The following MAPK10 variants were observed in gnomAD, a reference collection of about 807,000 sequenced individuals.
MAPK10 encodes JNK3 alpha protein kinase.
A neutral mutation model predicts 59.3 loss-of-function variants in MAPK10; 25 were observed. That is an observed-to-expected ratio of 0.42 (90% confidence interval 0.31 to 0.59). MAPK10 has a LOEUF of 0.59. MAPK10 is among the 20% of genes least tolerant of loss of function. The pLI is 0.15. For missense variants in MAPK10, 351 were observed against 568.9 expected (o/e 0.62, Z 3.90); for synonymous variants, 190 against 200.5 (o/e 0.95, Z 0.44).
At chr4:86,548,017 T>C (rs1759382934) in intron 1 of MAPK10, among the ~76,000 whole-genome samples, 1 of 152,148 alleles carries the variant, frequency 6.6e-6, no homozygotes, top group Non-Finnish European at 1.5e-5. Flanking sequence ...GGCTGCCTGA[T>C]CCAGCAGTGG....
At chr4:86,113,972 G>A (rs1370184262) in intron 4 of MAPK10, among the ~76,000 whole-genome samples, 2 of 151,990 alleles carry the variant, frequency 1.3e-5, no homozygotes, top group Non-Finnish European at 2.9e-5. Context: ...TAGTCTTCAG[G>A]CTCTGAGATC....
At chr4:86,236,363 C>T (rs2092228974) in intron 2 of MAPK10, among the ~76,000 whole-genome samples, 1 of 152,052 alleles carries the variant, frequency 6.6e-6, no homozygotes. Flanking sequence ...TACCACATGT[C>T]CTGAAAGATG....
At chr4:86,552,777 A>T (rs568756219) in intron 1 of MAPK10, among the ~76,000 whole-genome samples, 7 of 152,216 alleles carry the variant, frequency 4.6e-5, no homozygotes, top group Admixed American at 3.9e-4. Flanking sequence ...TAATTAAGAT[A>T]ATGTTTCCCT....
intron 1 of MAPK10, among the ~76,000 whole-genome samples, chr4:86,426,091 C>T (rs1253912703): frequency 2.6e-5 from 4 of 152,132 alleles, no homozygotes; most frequent in East Asian, 3.8e-4. Context: ...TTTGGCCTCT[C>T]GCTGTTTCAT....
intron 2 of MAPK10, among the ~76,000 whole-genome samples, chr4:86,307,519 TAGAG>T: frequency 6.6e-6 from 1 of 152,126 alleles, no homozygotes; most frequent in African/African-American, 2.4e-5. Flanking sequence ...TGTTGTAAGT[TAGAG>T]AAAGGAGAAA....
chr4:86,172,785 TA>T (rs140301897), intron 3 of MAPK10, among the ~76,000 whole-genome samples: 12,697 of 144,140 alleles, frequency 0.088, 1,166 homozygotes, highest in African/African-American at 0.24. Flanking sequence ...AGTAAAAAAT[TA>T]AAAAAAAAAG....
At chr4:86,441,681 T>C (rs4488910) in intron 1 of MAPK10, among the ~76,000 whole-genome samples, 22,958 of 152,156 alleles carry the variant, frequency 0.15, 1,840 homozygotes, top group East Asian at 0.24. Context: ...TGACATGCCA[T>C]GAAGACTCTA....
intron 11 of MAPK10, among the ~76,000 whole-genome samples, chr4:86,037,778 ACAAT>A (rs2040652455): frequency 6.6e-6 from 1 of 152,234 alleles, no homozygotes; most frequent in Non-Finnish European, 1.5e-5. Context: ...TGATTTGCCC[ACAAT>A]CACAGAGTTA....
intron 9 of MAPK10, among the ~76,000 whole-genome samples, chr4:86,078,733 T>C (rs1049539189): frequency 1.3e-5 from 2 of 152,152 alleles, no homozygotes; most frequent in Non-Finnish European, 2.9e-5. Context: ...CTCATGCATG[T>C]AATCCTAGCA....
intron 2 of MAPK10, among the ~76,000 whole-genome samples, chr4:86,219,319 G>C (rs1024085540): frequency 1.3e-5 from 2 of 152,116 alleles, no homozygotes; most frequent in Non-Finnish European, 2.9e-5. Flanking sequence ...ACAAACTTGA[G>C]TCACAAGTAC....
chr4:86,559,937 C>CAA (rs368858392), intron 1 of MAPK10, among the ~76,000 whole-genome samples: 35,994 of 124,018 alleles, frequency 0.29, 5,238 homozygotes, highest in Admixed American at 0.37. Context: ...GACTTTGTCT[C>CAA]AAAAAAAAAA....
intron 1 of MAPK10, chr4:86,356,424 A>C (rs1734508055): frequency 1.8e-6 from 1 of 546,550 alleles, no homozygotes; most frequent in South Asian, 8.0e-5. Flanking sequence ...CTACTTTTTA[A>C]ACCTAAAATG....
intron 1 of MAPK10, among the ~76,000 whole-genome samples, chr4:86,390,578 A>C (rs1359962859): frequency 5.3e-5 from 8 of 152,172 alleles, no homozygotes; most frequent in African/African-American, 1.7e-4. Flanking sequence ...AAGTCTGAGA[A>C]AGCTAAAGGA....
At chr4:86,281,344 C>CA (rs1168097024) in intron 2 of MAPK10, among the ~76,000 whole-genome samples, 2 of 151,186 alleles carry the variant, frequency 1.3e-5, no homozygotes, top group Admixed American at 1.3e-4. Context: ...ACTAAAACTA[C>CA]AAAAAAATTA....
rs1352937564 is a variant in MAPK10 at position 86,165,601 on chromosome 4, A to G, written c.67-6134T>C. On this transcript the variant is annotated intron_variant, in intron 3 of 13. Coordinates refer to ENST00000641462, the MANE Select transcript of MAPK10 (RefSeq NM_138982.4). ...TTTTTTTTAGAGATGAGGTCTCAGT[A>G]TGTTGCCCAGGCTGGTCTTGAACTC... Among the ~76,000 whole-genome samples, 6 of 103,742 alleles carry G rather than the reference A, an allele frequency of 5.8e-5. No homozygotes were observed. In the South Asian group the frequency reaches 1.4e-3, roughly 24 times the overall value. 68.1% of individuals were successfully genotyped at this position (103,742 alleles called of 152,430 possible). A position where few individuals can be genotyped will look rare whatever the true frequency, so the allele number is the denominator to read the frequency against.
chr4:86,126,513 T>C (rs2060103872), intron 4 of MAPK10, among the ~76,000 whole-genome samples: 1 of 152,048 alleles, frequency 6.6e-6, no homozygotes, highest in South Asian at 2.1e-4. Flanking sequence ...TCCAAAGCTT[T>C]AAATATGTTA....
intron 11 of MAPK10, among the ~76,000 whole-genome samples, chr4:86,059,033 A>T (rs1287460119): frequency 6.6e-6 from 1 of 152,170 alleles, no homozygotes; most frequent in African/African-American, 2.4e-5. Context: ...ATTATCTCTA[A>T]GTTCCCACTT....
intron 9 of MAPK10, among the ~76,000 whole-genome samples, chr4:86,072,087 C>T (rs1348637410): frequency 3.3e-5 from 5 of 149,556 alleles, no homozygotes; most frequent in Non-Finnish European, 7.4e-5. Context: ...GTTTGTAGTT[C>T]TCCTTGAAGA....
intron 1 of MAPK10, among the ~76,000 whole-genome samples, chr4:86,548,221 G>A (rs530111105): frequency 7.3e-5 from 11 of 151,622 alleles, no homozygotes; most frequent in African/African-American, 2.2e-4. Flanking sequence ...CTCCAGACGC[G>A]CTGCCTTAAG....
Sources: gnomAD v4.1 joint callset for allele counts (sites outside exome capture counted in the v4.1 genomes callset) on GRCh38, gnomAD v4.1.1 for gene constraint, MANE v1.5 for transcripts, NCBI Gene and HGNC (gene_info 2026-07-23, HGNC 2026-07-21) for gene names.